Variants in SCEL observed in about 807,000 individuals in gnomAD.
The protein encoded by SCEL is sciellin.
SCEL carries 113 observed loss-of-function variants against 117.6 expected under a neutral mutation model. The ratio of observed to expected loss-of-function variants is 0.96; its 90% confidence interval spans 0.83 to 1.12. The LOEUF is 1.12. SCEL is among the 50% of genes most tolerant of loss of function. SCEL has a pLI of 0.00. For missense variants in SCEL, 785 were observed against 810.8 expected, an observed-to-expected ratio of 0.97 and a Z score of 0.39; for synonymous variants, 270 against 256.2, an observed-to-expected ratio of 1.05 and a Z score of -0.51.
chr13:77,565,880 G>C (rs938059247), intron 5 of SCEL, among the ~76,000 whole-genome samples: 9 of 152,176 alleles, frequency 5.9e-5, no homozygotes, highest in African/African-American at 2.2e-4. Context: ...CATTGTGAAA[G>C]TATAACTTCT....
chr13:77,538,342 C>T (rs1401424922), intron 1 of SCEL, among the ~76,000 whole-genome samples: 1 of 152,124 alleles, frequency 6.6e-6, no homozygotes, highest in Non-Finnish European at 1.5e-5. Flanking sequence ...GTCTTGAACT[C>T]CTGACCTCAA....
At chr13:77,634,559 C>G in intron 29 of SCEL, 109 bp downstream of exon 29, 1 of 701,774 alleles carries the variant, frequency 1.4e-6, no homozygotes, top group Non-Finnish European at 2.4e-6. Flanking sequence ...AAATAGAAGA[C>G]CGTTTATAAG....
chr13:77,643,261 G>A (rs1348458246), intron 32 of SCEL, among the ~76,000 whole-genome samples: 1 of 151,972 alleles, frequency 6.6e-6, no homozygotes, highest in East Asian at 1.9e-4. Context: ...CAAAAATATA[G>A]CATTTAAGTT....
chr13:77,567,152 G>A (rs964557201), intron 5 of SCEL, among the ~76,000 whole-genome samples: 4 of 152,158 alleles, frequency 2.6e-5, no homozygotes, highest in South Asian at 2.1e-4. Flanking sequence ...CAGGCAAAAG[G>A]CATAACACTT....
intron 9 of SCEL, among the ~76,000 whole-genome samples, chr13:77,580,263 A>G (rs1186435450): frequency 6.6e-6 from 1 of 152,106 alleles, no homozygotes; most frequent in Non-Finnish European, 1.5e-5. Flanking sequence ...CCCTCTTCCC[A>G]CTTCTTTTGT....
chr13:77,568,549 C>A (rs974972408), intron 7 of SCEL, among the ~76,000 whole-genome samples: 1 of 152,048 alleles, frequency 6.6e-6, no homozygotes, highest in African/African-American at 2.4e-5. Context: ...TTACTCTATC[C>A]AAACACCAAA....
chr13:77,610,042 T>G lies in SCEL; in HGVS notation c.1278-5T>G. ...ACCACTGATCTGATTTTCTATGTTTTTAAGGGGCCAAAGTCTCGACAGCCT... is the reference window on the plus strand; with the variant it reads ...ACCACTGATCTGATTTTCTATGTTTGTAAGGGGCCAAAGTCTCGACAGCCT... On this transcript the variant is annotated splice_region_variant and splice_polypyrimidine_tract_variant and intron_variant, in intron 21 of 32. Transcript: ENST00000349847. 1 of 1,605,270 alleles carries G rather than the reference T, an allele frequency of 6.2e-7. No homozygotes were observed. The highest frequency in any genetic ancestry group is 8.5e-7 in the Non-Finnish European group (1 of 1,174,796).
In SCEL at chr13:77,589,166, ATAC is replaced by A; in HGVS notation, c.569_571del (p.Ile190_Pro191delinsThr). On this transcript the variant is annotated inframe_deletion, in exon 10 of 33. Transcript: ENST00000349847. ...AAGGGAACCAGGTGTTCACCCTCCA[ATAC>A]CTCCAAAGCCCAGTTCTCCTGTTTC... The A allele has an allele frequency of 6.2e-7, 1 of 1,613,102 alleles. No individual in the cohort carries two copies.
At chr13:77,608,281 C>T (rs2088375912) in intron 20 of SCEL, among the ~76,000 whole-genome samples, 166 bp downstream of exon 20, 1 of 152,188 alleles carries the variant, frequency 6.6e-6, no homozygotes, top group Admixed American at 6.5e-5. Flanking sequence ...GAGCTTCAGC[C>T]TCCTTAGTTA....
At chr13:77,558,316 C>A (rs914081930) in intron 3 of SCEL, among the ~76,000 whole-genome samples, 1 of 152,090 alleles carries the variant, frequency 6.6e-6, no homozygotes, top group Non-Finnish European at 1.5e-5. Context: ...CAGCCCAGTT[C>A]TGGGCTGTGT....
chr13:77,559,728 C>A, intron 3 of SCEL, 76 bp from the exon 4 acceptor site: 2 of 1,314,620 alleles, frequency 1.5e-6, no homozygotes, highest in Non-Finnish European at 2.2e-6. Context: ...AGCTCGCCCG[C>A]ATGTCTCTCT....
rs1219321626 is a variant in SCEL, at chr13:77,572,739, G to T, written c.545+550G>T. Among the ~76,000 whole-genome samples the T allele has an allele frequency of 2.6e-5, 4 of 152,176 alleles. No individual in the cohort carries two copies. In the East Asian group the frequency reaches 7.7e-4, roughly 29 times the overall value. ...CCTTTGTTATAAAGCAACTAATCAT[G>T]TCTGTCCTACTACAGTATGACCTTA... On this transcript the variant is annotated intron_variant, in intron 9 of 32. Coordinates refer to ENST00000349847, the MANE Select transcript of SCEL (RefSeq NM_144777.3).
chr13:77,625,771 A>G (rs2089698407), intron 27 of SCEL, among the ~76,000 whole-genome samples: 1 of 152,176 alleles, frequency 6.6e-6, no homozygotes, highest in Non-Finnish European at 1.5e-5. Flanking sequence ...CATCTTTATC[A>G]ATATTTGTGA....
intron 32 of SCEL, among the ~76,000 whole-genome samples, chr13:77,643,154 G>C (rs2090640538): frequency 1.3e-5 from 2 of 152,026 alleles, no homozygotes; most frequent in South Asian, 4.1e-4. Context: ...GCTTGCACTT[G>C]AATATTGTAT....
At chr13:77,560,251 C>T (rs1175394437) in intron 4 of SCEL, among the ~76,000 whole-genome samples, 1 of 142,452 alleles carries the variant, frequency 7.0e-6, no homozygotes, top group Non-Finnish European at 1.5e-5. Flanking sequence ...GGCAACATGG[C>T]CAGACCCTGC....
At chr13:77,640,841 AAAT>A (rs2090526099) in intron 31 of SCEL, 57 bp downstream of exon 31, 3 of 903,706 alleles carry the variant, frequency 3.3e-6, no homozygotes, top group South Asian at 1.6e-5. Flanking sequence ...AACTGGAATA[AAAT>A]AATAATTTAA....
intron 32 of SCEL, 24 bp downstream of exon 32, chr13:77,642,832 T>A: frequency 7.4e-7 from 1 of 1,345,140 alleles, no homozygotes; most frequent in Non-Finnish European, 1.0e-6. Flanking sequence ...TCTAAGCATT[T>A]AACACTTTGG....
chr13:77,550,715 G>A (rs1388735204), intron 1 of SCEL, among the ~76,000 whole-genome samples: 3 of 152,102 alleles, frequency 2.0e-5, no homozygotes, highest in Non-Finnish European at 2.9e-5. Flanking sequence ...TTTTTATGCT[G>A]AGTAATATTC....
At chr13:77,615,639 C>A (rs1426542030) in intron 24 of SCEL, among the ~76,000 whole-genome samples, 1 of 151,980 alleles carries the variant, frequency 6.6e-6, no homozygotes, top group East Asian at 1.9e-4. Context: ...AAAAATGTTA[C>A]ATTTTCCTGG....
Sources: gnomAD v4.1 joint callset for allele counts (sites outside exome capture counted in the v4.1 genomes callset) on GRCh38, gnomAD v4.1.1 for gene constraint, MANE v1.5 for transcripts, NCBI Gene and HGNC (gene_info 2026-07-23, HGNC 2026-07-21) for gene names.